The following NEBL variants were observed in gnomAD, a reference collection of about 807,000 sequenced individuals.
NEBL encodes the protein nebulette.
NEBL carries 122 observed loss-of-function variants against 140.2 expected under a neutral mutation model. The ratio of observed to expected loss-of-function variants is 0.87; its 90% CI spans 0.75 to 1.01. NEBL has a LOEUF of 1.01. NEBL is among the 50% of genes least tolerant of loss of function. The pLI is 0.00. For missense variants in NEBL, 1,365 were observed against 1,231.3 expected (o/e 1.11, Z -1.62); for synonymous variants, 436 against 398.9 (o/e 1.09, Z -1.11).
intron 14 of NEBL, among the ~76,000 whole-genome samples, chr10:20,832,224 C>G (rs1197944005): frequency 6.6e-6 from 1 of 152,214 alleles, no homozygotes; most frequent in African/African-American, 2.4e-5. Flanking sequence ...TCATTATACC[C>G]CATCACCCAC....
chr10:20,843,808 A>G (rs951641914), intron 12 of NEBL, among the ~76,000 whole-genome samples: 1 of 152,106 alleles, frequency 6.6e-6, no homozygotes, highest in Non-Finnish European at 1.5e-5. Context: ...CACCTCAAAC[A>G]TGTATCATTT....
intron 2 of NEBL, among the ~76,000 whole-genome samples, chr10:21,162,747 T>C (rs1840606242): frequency 6.6e-6 from 1 of 152,066 alleles, no homozygotes; most frequent in Non-Finnish European, 1.5e-5. Context: ...AATTGAGGCA[T>C]AAAAAGTACA....
intron 2 of NEBL, among the ~76,000 whole-genome samples, chr10:20,891,602 G>T (rs1234045435): frequency 1.3e-5 from 2 of 152,188 alleles, no homozygotes; most frequent in Non-Finnish European, 2.9e-5. Flanking sequence ...GAACGTTCAG[G>T]ACAGGAGGAC....
chr10:21,019,976 G>A, intron 3 of NEBL: 1 of 758,790 alleles, frequency 1.3e-6, no homozygotes, highest in Non-Finnish European at 2.4e-6. Flanking sequence ...CTTTCACCCG[G>A]AATTCCCACA....
chr10:20,828,761 C>T, intron 16 of NEBL, 127 bp from the exon 17 acceptor site: 1 of 667,526 alleles, frequency 1.5e-6, no homozygotes, highest in South Asian at 1.6e-5. Flanking sequence ...CTGACTTACA[C>T]TCCCAGAGAG....
intron 11 of NEBL, among the ~76,000 whole-genome samples, chr10:20,849,478 T>C (rs998638251): frequency 2.0e-5 from 3 of 152,154 alleles, no homozygotes; most frequent in Admixed American, 6.6e-5. Flanking sequence ...GCCATAGCGC[T>C]CTGCCTCATG....
intron 14 of NEBL, among the ~76,000 whole-genome samples, chr10:20,833,130 T>C (rs1469093497): frequency 6.6e-6 from 1 of 152,222 alleles, no homozygotes; most frequent in Non-Finnish European, 1.5e-5. Context: ...GCATCAGTTA[T>C]TTGTTGTCTG....
chr10:21,061,136 C>T (rs1034314944), intron 2 of NEBL, among the ~76,000 whole-genome samples: 3 of 151,136 alleles, frequency 2.0e-5, no homozygotes, highest in African/African-American at 7.3e-5. Context: ...GGAGCATGTC[C>T]CCTTTTTTAT....
intron 2 of NEBL, among the ~76,000 whole-genome samples, chr10:21,169,060 AAAAAAAAATAT>A (rs1412027782): frequency 1.1e-3 from 66 of 57,624 alleles, no homozygotes; most frequent in African/African-American, 3.7e-3. Context: ...AAAAAAAAAA[AAAAAAAAATAT>A]ATATATATAT....
At chr10:21,158,114 G>A (rs1238748357) in intron 2 of NEBL, among the ~76,000 whole-genome samples, 1 of 152,192 alleles carries the variant, frequency 6.6e-6, no homozygotes, top group Non-Finnish European at 1.5e-5. Flanking sequence ...GTCACAGCAA[G>A]CCTAGCAAAC....
chr10:21,241,780 A>C (rs1842442770), intron 3 of NEBL, among the ~76,000 whole-genome samples: 1 of 152,210 alleles, frequency 6.6e-6, no homozygotes, highest in African/African-American at 2.4e-5. Flanking sequence ...TGCTATCAGC[A>C]TTAAAGAGGA....
At chr10:20,889,158 G>A (rs1049565217) in intron 3 of NEBL, among the ~76,000 whole-genome samples, 12 of 152,204 alleles carry the variant, frequency 7.9e-5, no homozygotes, top group African/African-American at 2.4e-4. Context: ...TTTCATTTCC[G>A]TTTCTTTTCA....
rs1254452889 is a variant in NEBL at position 21,223,385 on chromosome 10, C to G, written n.348+24536G>C. On this transcript the variant is annotated intron_variant and non_coding_transcript_variant, in intron 3 of 8. Coordinates refer to the NEBL transcript ENST00000675702. Reference sequence around the variant, plus strand: ...TTATTACAAATGATAGGATCACATTCTTTTCTATGGCTGAATAGTATTCCA... The same window carrying G: ...TTATTACAAATGATAGGATCACATTGTTTTCTATGGCTGAATAGTATTCCA... Among the ~76,000 whole-genome samples the G allele has an allele frequency of 3.3e-5, 5 of 152,210 alleles. No homozygotes were observed. In the East Asian group the frequency reaches 9.6e-4, roughly 29 times the overall value.
At position 21,288,820 on chromosome 10, in the gene NEBL, G is replaced by GATATATATATATATA. The variant is rs1843099453; in HGVS notation, n.182+4009_182+4010insTATATATATATATAT. Among the ~76,000 whole-genome samples the GATATATATATATATA allele has an allele frequency of 1.1e-4, 4 of 35,024 alleles. No homozygotes were observed. The East Asian group carries it at 9.9e-3, about 87-fold the overall frequency. The allele number at this position is 35,024 out of a possible 152,430, so 23.0% of individuals were successfully genotyped here. A position where few individuals can be genotyped will look rare whatever the true frequency, so the allele number is the denominator to read the frequency against. On this transcript the variant is annotated intron_variant and non_coding_transcript_variant, in intron 1 of 8. Transcript: ENST00000675702. ...TCTGACAATATATACGTGTGTGTGT[G>GATATATATATATATA]TATATATATATATATATATATATAT...
At chr10:21,217,761 T>C (rs1377357996) in intron 3 of NEBL, 1 of 152,220 alleles carries the variant, frequency 6.6e-6, no homozygotes, top group Non-Finnish European at 1.5e-5. Flanking sequence ...CATCAAATAG[T>C]AGTCATTATT....
chr10:20,904,842 G>A lies in NEBL; in HGVS notation c.357+56830C>T, dbSNP rs151201785. Among the ~76,000 whole-genome samples the A allele has an allele frequency of 5.1e-4, 78 of 152,322 alleles. 2 individuals are homozygous for A. In the East Asian group the frequency reaches 0.014, roughly 27 times the overall value. Reference sequence around the variant, plus strand: ...AGCTCTTTGCTTGGCTGTCAACACCGTATCAAGAGCCAGAAAGAGAGCAGG... The same window carrying A: ...AGCTCTTTGCTTGGCTGTCAACACCATATCAAGAGCCAGAAAGAGAGCAGG... On this transcript the variant is annotated intron_variant, in intron 4 of 6. Coordinates refer to the NEBL transcript ENST00000417816.
chr10:21,098,874 A>G (rs1837330539), intron 2 of NEBL, among the ~76,000 whole-genome samples: 1 of 152,204 alleles, frequency 6.6e-6, no homozygotes, highest in South Asian at 2.1e-4. Context: ...CACACCTGTA[A>G]TCTCATAATC....
At chr10:20,852,827 C>G (rs1165303768) in intron 9 of NEBL, among the ~76,000 whole-genome samples, 178 bp from the exon 10 acceptor site, 2 of 152,108 alleles carry the variant, frequency 1.3e-5, no homozygotes, top group African/African-American at 4.8e-5. Flanking sequence ...ACAGACAATG[C>G]AAGACAGACC....
chr10:21,173,719 C>T lies in NEBL; in HGVS notation c.69+46G>A. 6.2e-7 allele frequency: 1 copy of T among 1,611,110 alleles called. No homozygotes were observed. The highest frequency in any genetic ancestry group is 8.5e-7 in the Non-Finnish European group (1 of 1,179,728). On this transcript the variant is annotated intron_variant, in intron 1 of 6. Coordinates refer to the NEBL transcript ENST00000417816. This position sits in a 1 kb window ranked among gnomAD's most constrained non-coding sequence, Gnocchi z 5.7. ...CCAAAACTTCTCGAAGCAGGTGCAGCCCCTCGCCCGGCAGGTCCAGGCTGG... is the reference window on the plus strand; with the variant it reads ...CCAAAACTTCTCGAAGCAGGTGCAGTCCCTCGCCCGGCAGGTCCAGGCTGG...
Sources: gnomAD v4.1 joint callset for allele counts (sites outside exome capture counted in the v4.1 genomes callset) on GRCh38, gnomAD v4.1.1 for gene constraint, Gnocchi (gnomAD v3.1) non-coding constraint, MANE v1.5 for transcripts, NCBI Gene and HGNC (gene_info 2026-07-23, HGNC 2026-07-21) for gene names.